The following USP6NL variants were observed in gnomAD, a reference collection of about 807,000 sequenced individuals.
The protein encoded by USP6NL is USP6 N-terminal like.
In USP6NL, 26 loss-of-function variants were observed where a neutral mutation model predicts 61.9. That is an observed-to-expected ratio of 0.42 (90% CI 0.31 to 0.58). USP6NL has a LOEUF of 0.58. Ranked by LOEUF, USP6NL falls within the 20% of genes least tolerant of loss-of-function variation. USP6NL has a pLI of 0.16. For synonymous variants in USP6NL, 432 were observed against 390.1 expected, an observed-to-expected ratio of 1.11 and a Z score of -1.27; for missense variants, 1,114 against 1,034.3, an observed-to-expected ratio of 1.08 and a Z score of -1.06.
At position 11,462,631 on chromosome 10, in the gene USP6NL, G is replaced by A; in HGVS notation, c.2297C>T (p.Ala766Val). ...ASRGNLPKYS[A>V]FQLAPFQDHG... Reference sequence around the variant, plus strand: ...GTCCTGAAAGGGTGCGAGTTGAAAGGCTGAGTATTTTGGTAAATTGCCACG... The same window carrying A: ...GTCCTGAAAGGGTGCGAGTTGAAAGACTGAGTATTTTGGTAAATTGCCACG... Residue 766 changes from alanine to valine, a missense_variant, in exon 15 of 15, where the codon GCC (alanine) becomes GTC (valine). Ala to Val is a moderately conservative substitution (Grantham distance 64). Coordinates refer to ENST00000609104, the MANE Select transcript of USP6NL (RefSeq NM_014688.5). The A allele has an allele frequency of 6.2e-7, 1 of 1,614,000 alleles. No individual in the cohort carries two copies. Among genetic ancestry groups the A allele is most frequent in the Non-Finnish European group, 8.5e-7 (1 of 1,179,898 alleles).
chr10:11,498,341 G>C (rs991105880), intron 7 of USP6NL, among the ~76,000 whole-genome samples: 6 of 148,402 alleles, frequency 4.0e-5, no homozygotes, highest in African/African-American at 1.5e-4. Flanking sequence ...TTCCACTATG[G>C]TCTGATCCTA....
At position 11,528,128 on chromosome 10, in the gene USP6NL, G is replaced by C. The variant is rs11257154; in HGVS notation, c.5-561C>G. On this transcript the variant is annotated intron_variant, in intron 2 of 14. Transcript: ENST00000609104. The surrounding 1 kb of genome is among the most constrained non-coding windows in gnomAD (Gnocchi z 4.6). Reference sequence around the variant, plus strand: ...ACATATGTGTGTGGACACACACACAGACACACACACACACACACACACACA... The same window carrying C: ...ACATATGTGTGTGGACACACACACACACACACACACACACACACACACACA... 1.5e-3 allele frequency among the ~76,000 whole-genome samples: 214 copies of C among 142,254 alleles called. No individual in the cohort carries two copies. Among genetic ancestry groups the C allele is most frequent in the African/African-American group, 4.8e-3 (186 of 38,488 alleles). 93.3% of individuals were successfully genotyped at this position (142,254 alleles called of 152,430 possible). A position where few individuals can be genotyped will look rare whatever the true frequency, so the allele number is the denominator to read the frequency against.
intron 2 of USP6NL, among the ~76,000 whole-genome samples, chr10:11,555,471 A>AGAGAGAGAAAG (rs1566178235): frequency 8.0e-5 from 5 of 62,186 alleles, no homozygotes; most frequent in South Asian, 7.4e-4. Flanking sequence ...GAGAGAGAGA[A>AGAGAGAGAAAG]AGAGAGAGAG....
At position 11,532,216 on chromosome 10, in the gene USP6NL, A is replaced by G. The variant is rs1034882509; in HGVS notation, c.5-4649T>C. The G allele has an allele frequency of 2.5e-6, 4 of 1,604,546 alleles. No homozygotes were observed. The highest frequency in any genetic ancestry group is 3.4e-6 in the Non-Finnish European group (4 of 1,174,998). On this transcript the variant is annotated intron_variant, in intron 2 of 14. Transcript: ENST00000609104. This position sits in a 1 kb window ranked among gnomAD's most constrained non-coding sequence, Gnocchi z 4.1. ...ATCAGTCTGGCCTTGGGAATTAACAACAGCTTCAGTCCTCATAGAGTAACT... is the reference window on the plus strand; with the variant it reads ...ATCAGTCTGGCCTTGGGAATTAACAGCAGCTTCAGTCCTCATAGAGTAACT...
chr10:11,531,639 A>G (rs1284861829), intron 2 of USP6NL, among the ~76,000 whole-genome samples: 1 of 151,526 alleles, frequency 6.6e-6, no homozygotes, highest in South Asian at 2.1e-4. Context: ...TTTAAATATC[A>G]GTCCTCTCAT....
In USP6NL at chr10:11,510,748, G is replaced by A. The variant is rs562764310; in HGVS notation, c.196-1073C>T. Among the ~76,000 whole-genome samples the A allele has an allele frequency of 1.2e-4, 19 of 152,338 alleles. 1 individual carries two copies. The East Asian group carries it at 2.5e-3, about 20-fold the overall frequency. ...GGATGCATGCTCACTGCAACCCCAC[G>A]AGGTAGGTATGATTGTCACCATTTT... On this transcript the variant is annotated intron_variant, in intron 5 of 14. Coordinates refer to ENST00000609104, the MANE Select transcript of USP6NL (RefSeq NM_014688.5). This position sits in a 1 kb window ranked among gnomAD's most constrained non-coding sequence, Gnocchi z 4.8.
chr10:11,512,674 T>G (rs186520664), intron 5 of USP6NL, among the ~76,000 whole-genome samples: 1 of 152,356 alleles, frequency 6.6e-6, no homozygotes, highest in East Asian at 1.9e-4. Context: ...ACAATGCATT[T>G]TCAGCCTTTA....
At position 11,487,667 on chromosome 10, in the gene USP6NL, T is replaced by C. The variant is rs928605578; in HGVS notation, c.664+1435A>G. The stretch of plus-strand genomic sequence containing the variant: ...TACTGCCTACTGGATGGCAACTCAA[T>C]ATAATAACATGTCTTACTTTTAGAG... On this transcript the variant is annotated intron_variant, in intron 10 of 14. Coordinates refer to ENST00000609104, the MANE Select transcript of USP6NL (RefSeq NM_014688.5). This position sits in a 1 kb window ranked among gnomAD's most constrained non-coding sequence, Gnocchi z 4.2. Among the ~76,000 whole-genome samples the C allele has an allele frequency of 2.6e-5, 4 of 151,982 alleles. No homozygotes were observed. The highest frequency in any genetic ancestry group is 9.7e-5 in the African/African-American group (4 of 41,348).
rs1450235958 is a variant in USP6NL, at chr10:11,495,448, C to G, written c.385-2220G>C. On this transcript the variant is annotated intron_variant, in intron 7 of 14. Transcript: ENST00000609104. The surrounding 1 kb of genome is among the most constrained non-coding windows in gnomAD (Gnocchi z 4.6). The stretch of plus-strand genomic sequence containing the variant: ...GCCGCCCACACCCTCCCTCCATTCC[C>G]ATTTTCTTTTTCTGAAACTCTTATT... Among the ~76,000 whole-genome samples, 6 of 152,166 alleles carry G rather than the reference C, an allele frequency of 3.9e-5. No individual in the cohort carries two copies. The highest frequency in any genetic ancestry group is 1.4e-4 in the African/African-American group (6 of 41,440).
At chr10:11,516,740 T>C (rs1834974760) in intron 5 of USP6NL, among the ~76,000 whole-genome samples, 1 of 152,184 alleles carries the variant, frequency 6.6e-6, no homozygotes, top group Non-Finnish European at 1.5e-5. Context: ...ATTACTAAGG[T>C]ACGCATAGAT....
At position 11,463,221 on chromosome 10, in the gene USP6NL, C is replaced by T. The variant is rs1217516384; in HGVS notation, c.1707G>A (p.Leu569=). Residue 569 remains leucine (L), a synonymous_variant, in exon 15 of 15, where the codon CTG becomes CTA. Coordinates refer to ENST00000609104, the MANE Select transcript of USP6NL (RefSeq NM_014688.5). The surrounding 1 kb of genome is among the most constrained non-coding windows in gnomAD (Gnocchi z 6.3). The part of the protein sequence containing the change: ...LDSGASVEEA[L]ERAYSQSPRH... ...GGGGGCTCTGGGAGTAAGCCCTTTC[C>T]AGCGCCTCCTCCACGGAAGCGCCGC... 4 of 1,613,310 alleles carry T rather than the reference C, an allele frequency of 2.5e-6. No homozygotes were observed. The highest frequency in any genetic ancestry group is 3.4e-6 in the Non-Finnish European group (4 of 1,179,888).
chr10:11,602,345 A>G lies in USP6NL; in HGVS notation c.-83-4628T>C, dbSNP rs1459360711. Among the ~76,000 whole-genome samples, 5 of 152,218 alleles carry G rather than the reference A, an allele frequency of 3.3e-5. No individual in the cohort carries two copies. The highest frequency in any genetic ancestry group is 3.3e-4 in the Admixed American group (5 of 15,288). On this transcript the variant is annotated intron_variant, in intron 1 of 14. Coordinates refer to ENST00000609104, the MANE Select transcript of USP6NL (RefSeq NM_014688.5). The surrounding 1 kb of genome is among the most constrained non-coding windows in gnomAD (Gnocchi z 4.8). ...GTTTTTAAATTTAAAACAGGCAGAT[A>G]ATAACATAGATAACAGGAAGGATTT...
intron 2 of USP6NL, among the ~76,000 whole-genome samples, chr10:11,584,843 T>C (rs1297279832): frequency 3.3e-5 from 5 of 151,502 alleles, no homozygotes; most frequent in Non-Finnish European, 7.4e-5. Context: ...GAGGCTGAGG[T>C]GGGAGAATCA....
At chr10:11,503,704 A>T (rs1186082058) in intron 6 of USP6NL, among the ~76,000 whole-genome samples, 1 of 152,192 alleles carries the variant, frequency 6.6e-6, no homozygotes, top group African/African-American at 2.4e-5. Context: ...CTATTTAGTT[A>T]ATCTGTTTTA....
chr10:11,577,074 T>G (rs892733085), intron 2 of USP6NL, among the ~76,000 whole-genome samples: 74 of 151,466 alleles, frequency 4.9e-4, no homozygotes, highest in Non-Finnish European at 9.4e-4. Flanking sequence ...TTTTTTTTTT[T>G]TTCGATGGAG....
chr10:11,505,373 G>C (rs1834388338), intron 6 of USP6NL, among the ~76,000 whole-genome samples: 1 of 152,012 alleles, frequency 6.6e-6, no homozygotes, highest in Admixed American at 6.5e-5. Context: ...TCCCTAAAAA[G>C]GTAGGTACTA....
Position 11,610,087 on chromosome 10 carries a change from C to T in USP6NL, c.-84+1356G>A, listed in dbSNP as rs61844607. On this transcript the variant is annotated intron_variant, in intron 1 of 14. Transcript: ENST00000609104. The stretch of plus-strand genomic sequence containing the variant: ...CATTAATTCTCTATATATATATAAT[C>T]AGCAAAGGAATTTCTGTTAACTAAG... Among the ~76,000 whole-genome samples the T allele has an allele frequency of 5.9e-3, 893 of 152,220 alleles. 4 individuals are homozygous for T. Among genetic ancestry groups the T allele is most frequent in the Admixed American group, 0.012 (177 of 15,284 alleles).
intron 2 of USP6NL, among the ~76,000 whole-genome samples, chr10:11,533,650 C>A (rs1378372824): frequency 6.6e-6 from 1 of 152,116 alleles, no homozygotes; most frequent in African/African-American, 2.4e-5. Flanking sequence ...CCTAGTGGCT[C>A]CAGAAGGAAC....
intron 2 of USP6NL, among the ~76,000 whole-genome samples, chr10:11,571,868 AC>A (rs1837377340): frequency 6.6e-6 from 1 of 150,832 alleles, no homozygotes; most frequent in South Asian, 2.1e-4. Flanking sequence ...CCTGTTTTTC[AC>A]AAAAAAAAAA....
Sources: allele counts gnomAD v4.1 joint callset (sites outside exome capture counted in the v4.1 genomes callset), GRCh38; gene constraint gnomAD v4.1.1; non-coding constraint Gnocchi (gnomAD v3.1); transcripts MANE v1.5; gene names NCBI Gene and HGNC (gene_info 2026-07-23, HGNC 2026-07-21).